ANP32E: variants seen among roughly 807,000 people sequenced by gnomAD.
ANP32E encodes acidic nuclear phosphoprotein 32 family member E.
Under a neutral mutation model 35.3 loss-of-function variants are expected in ANP32E, and 14 were observed. The ratio of observed to expected loss-of-function variants is 0.40; its 90% CI spans 0.26 to 0.62. ANP32E has a LOEUF of 0.62. Ranked by LOEUF, ANP32E falls within the 20% of genes least tolerant of loss-of-function variation. The pLI is 0.45. For missense variants in ANP32E, 198 were observed against 304.4 expected (o/e 0.65, Z 2.60); for synonymous variants, 89 against 110.4 (o/e 0.81, Z 1.22).
intron 4 of ANP32E, among the ~76,000 whole-genome samples, chr1:150,228,485 T>C (rs1015862343): frequency 1.1e-4 from 16 of 152,018 alleles, no homozygotes; most frequent in African/African-American, 3.9e-4. Context: ...AGGTCAGCAG[T>C]TCGAGACCAG....
chr1:150,220,973 C>G (rs945304586), intron 6 of ANP32E, among the ~76,000 whole-genome samples: 1 of 151,888 alleles, frequency 6.6e-6, no homozygotes, highest in Middle Eastern at 3.4e-3. Context: ...AAAAAATTAG[C>G]CAGGCATGGT....
At chr1:150,222,904 A>G (rs1442682407) in intron 6 of ANP32E, among the ~76,000 whole-genome samples, 6 of 152,066 alleles carry the variant, frequency 3.9e-5, no homozygotes, top group African/African-American at 1.4e-4. Flanking sequence ...TATAAAAATA[A>G]TAAATTGAGC....
At chr1:150,228,101 T>C (rs587739308) in intron 4 of ANP32E, among the ~76,000 whole-genome samples, 2 of 151,450 alleles carry the variant, frequency 1.3e-5, no homozygotes, top group East Asian at 3.9e-4. Flanking sequence ...TATATGGTTT[T>C]TTGTTTGCTT....
chr1:150,221,646 C>A (rs2101757532), intron 6 of ANP32E, among the ~76,000 whole-genome samples: 1 of 96,056 alleles, frequency 1.0e-5, no homozygotes, highest in East Asian at 3.4e-4. Context: ...TTCAAGTTTC[C>A]TCTCTGAATT....
chr1:150,220,879 A>T, intron 6 of ANP32E, 118 bp from the exon 7 acceptor site: 1 of 791,564 alleles, frequency 1.3e-6, no homozygotes. Flanking sequence ...TCACACCTGT[A>T]ATCCCAGCAC....
chr1:150,234,548 C>G lies in ANP32E; in HGVS notation c.54+1185G>C, dbSNP rs587702455. ...ACCCCAGTTATATCCTTCTATCGAT[C>G]GGTCGATTCAGCTACAGACAACTCC... On this transcript the variant is annotated intron_variant, in intron 1 of 6. Transcript: ENST00000583931. The G allele has an allele frequency of 9.2e-6, 9 of 973,652 alleles. No homozygotes were observed. The Admixed American group carries it at 4.3e-4, about 47-fold the overall frequency. The allele number at this position is 973,652 out of a possible 1,614,324, so 60.3% of individuals were successfully genotyped here.
intron 6 of ANP32E, 123 bp from the exon 7 acceptor site, chr1:150,220,884 C>T: frequency 1.3e-6 from 1 of 763,584 alleles, no homozygotes. Flanking sequence ...CCTGTAATCC[C>T]AGCACTTTGG....
intron 5 of ANP32E, among the ~76,000 whole-genome samples, chr1:150,225,728 T>G (rs1279857139): frequency 6.9e-6 from 1 of 145,406 alleles, no homozygotes; most frequent in East Asian, 2.0e-4. Context: ...AAAGGCCTTG[T>G]ATGTCTTGGG....
chr1:150,226,548 T>C, intron 5 of ANP32E, 60 bp downstream of exon 5: 1 of 1,585,598 alleles, frequency 6.3e-7, no homozygotes, highest in Non-Finnish European at 8.5e-7. Context: ...ACACTTTATA[T>C]AGTACTTACT....
chr1:150,232,968 A>T lies in ANP32E; in HGVS notation c.55-1042T>A, dbSNP rs139477033. Among the ~76,000 whole-genome samples, 419 of 152,206 alleles carry T rather than the reference A, an allele frequency of 2.8e-3. 3 individuals are homozygous for T. The highest frequency in any genetic ancestry group is 9.7e-3 in the African/African-American group (401 of 41,538). ...GGAAAAGATTCAAGTGAGCTGCCCTAAAACCTACAAAGAGTGCCAGGCTCG... is the reference window on the plus strand; with the variant it reads ...GGAAAAGATTCAAGTGAGCTGCCCTTAAACCTACAAAGAGTGCCAGGCTCG... On this transcript the variant is annotated intron_variant, in intron 1 of 6. Coordinates refer to ENST00000583931, the MANE Select transcript of ANP32E (RefSeq NM_030920.5).
chr1:150,220,836 T>C lies in ANP32E; in HGVS notation c.737-75A>G, dbSNP rs868914118. The C allele has an allele frequency of 8.7e-6, 12 of 1,381,762 alleles. 1 individual carries two copies. The highest frequency in any genetic ancestry group is 3.6e-4 in the Middle Eastern group (2 of 5,608). 85.6% of individuals were successfully genotyped at this position (1,381,762 alleles called of 1,614,324 possible). A position where few individuals can be genotyped will look rare whatever the true frequency, so the allele number is the denominator to read the frequency against. On this transcript the variant is annotated intron_variant, in intron 6 of 6. Transcript: ENST00000583931. ...GATTGGTTACATTTTTGAATCTTAGTGAAAAGTTAATGGCAAGGCCTAGCA... is the reference window on the plus strand; with the variant it reads ...GATTGGTTACATTTTTGAATCTTAGCGAAAAGTTAATGGCAAGGCCTAGCA...
rs1315711905 is a variant in ANP32E at position 150,235,150 on chromosome 1, G to A, written c.54+583C>T. ...TGACCCAGATTCCGCCGGGCGAAGG[G>A]CAGAGGGCGGCGCGCGCGGCTTCCC... On this transcript the variant is annotated intron_variant, in intron 1 of 6. Coordinates refer to ENST00000583931, the MANE Select transcript of ANP32E (RefSeq NM_030920.5). The surrounding 1 kb of genome is among the most constrained non-coding windows in gnomAD (Gnocchi z 4.2). Among the ~76,000 whole-genome samples, 11 of 152,218 alleles carry A rather than the reference G, an allele frequency of 7.2e-5. No individual in the cohort carries two copies. Among genetic ancestry groups the A allele is most frequent in the African/African-American group, 2.7e-4 (11 of 41,460 alleles).
At chr1:150,234,737 G>T in intron 1 of ANP32E, 2 of 928,328 alleles carry the variant, frequency 2.2e-6, no homozygotes, top group Non-Finnish European at 2.6e-6. Flanking sequence ...CTCCCAACCC[G>T]CGTTGTCCTC....
rs1649283859 is a variant in ANP32E, at chr1:150,230,706, C to CA, written c.205-14dup. On this transcript the variant is annotated splice_polypyrimidine_tract_variant and intron_variant, in intron 2 of 6. Transcript: ENST00000583931. Reference sequence around the variant, plus strand: ...CACTAAGCTCCAACTATACATTCAACAAAGGAAAAAACAAAGAATGGTAAA... The same window carrying CA: ...CACTAAGCTCCAACTATACATTCAACAAAAGGAAAAAACAAAGAATGGTAAA... 7.0e-7 allele frequency: 1 copy of CA among 1,421,240 alleles called. No individual in the cohort carries two copies. Among genetic ancestry groups the CA allele is most frequent in the Admixed American group, 2.8e-5 (1 of 35,712 alleles). 88.0% of individuals were successfully genotyped at this position (1,421,240 alleles called of 1,614,324 possible). A position where few individuals can be genotyped will look rare whatever the true frequency, so the allele number is the denominator to read the frequency against.
At chr1:150,224,119 A>C (rs998567987) in intron 5 of ANP32E, among the ~76,000 whole-genome samples, 15 of 152,222 alleles carry the variant, frequency 9.9e-5, no homozygotes, top group Admixed American at 2.6e-4. Flanking sequence ...CCAGAATACC[A>C]GTAAGCTATA....
At chr1:150,220,895 G>C in intron 6 of ANP32E, 134 bp from the exon 7 acceptor site, 1 of 694,532 alleles carries the variant, frequency 1.4e-6, no homozygotes, top group Non-Finnish European at 2.5e-6. Context: ...AGCACTTTGG[G>C]AGGCTGAGGT....
chr1:150,219,885 G>A lies in ANP32E; in HGVS notation c.*806C>T, dbSNP rs782669280. ...CCAAGTTCCTTTTGAGAGAGCGGGAGGGAGTGAAACAAGAAGGGAAGGTGA... is the reference window on the plus strand; with the variant it reads ...CCAAGTTCCTTTTGAGAGAGCGGGAAGGAGTGAAACAAGAAGGGAAGGTGA... On this transcript the variant is annotated 3_prime_UTR_variant, in exon 7 of 7. Coordinates refer to ENST00000583931, the MANE Select transcript of ANP32E (RefSeq NM_030920.5). 6.6e-6 allele frequency: 1 copy of A among 152,118 alleles called. No individual in the cohort carries two copies. Among genetic ancestry groups the A allele is most frequent in the Non-Finnish European group, 1.5e-5 (1 of 68,010 alleles). 9.4% of individuals were successfully genotyped at this position (152,118 alleles called of 1,614,324 possible).
chr1:150,226,860 CT>C, intron 4 of ANP32E, 65 bp from the exon 5 acceptor site: 1 of 1,522,490 alleles, frequency 6.6e-7, no homozygotes. Flanking sequence ...GATGTTGATG[CT>C]TTTTACCCTT....
At chr1:150,227,516 A>C (rs1349382945) in intron 4 of ANP32E, among the ~76,000 whole-genome samples, 2 of 152,008 alleles carry the variant, frequency 1.3e-5, no homozygotes, top group Non-Finnish European at 2.9e-5. Flanking sequence ...CAAATACTGC[A>C]TGCTCACTCT....
Sources: allele counts gnomAD v4.1 joint callset (sites outside exome capture counted in the v4.1 genomes callset), GRCh38; gene constraint gnomAD v4.1.1; non-coding constraint Gnocchi (gnomAD v3.1); transcripts MANE v1.5; gene names NCBI Gene and HGNC (gene_info 2026-07-23, HGNC 2026-07-21).